Variants in CASQ2 observed in about 807,000 individuals in gnomAD.
CASQ2 encodes the protein calsequestrin 2, also known as calsequestrin-2.
Under a neutral mutation model 46.5 loss-of-function variants are expected in CASQ2, and 49 were observed. The ratio of observed to expected loss-of-function variants is 1.05; its 90% CI spans 0.84 to 1.34. The LOEUF (loss-of-function observed/expected upper bound fraction) is 1.34. Among genes scored for constraint, CASQ2 ranks in the 40% most tolerant of loss-of-function variants. The probability of loss-of-function intolerance (pLI) is 0.00; values close to 1 mark genes in which losing one functional copy is unlikely to be tolerated. For missense variants in CASQ2, 486 were observed against 481.3 expected (o/e 1.01, Z -0.09); for synonymous variants, 174 against 168.5 (o/e 1.03, Z -0.25).
chr1:115,760,003 T>C (rs1310488468), intron 1 of CASQ2, among the ~76,000 whole-genome samples: 1 of 152,188 alleles, frequency 6.6e-6, no homozygotes. Context: ...AAGTCCCAGA[T>C]CATTTCCTTC....
At chr1:115,766,020 A>C (rs1225350234) in intron 1 of CASQ2, among the ~76,000 whole-genome samples, 1 of 152,200 alleles carries the variant, frequency 6.6e-6, no homozygotes. Context: ...TGCGCCTGAC[A>C]AGTATCTCAA....
At chr1:115,736,378 TG>T (rs781603517) in intron 4 of CASQ2, among the ~76,000 whole-genome samples, 19 of 152,048 alleles carry the variant, frequency 1.2e-4, no homozygotes, top group Non-Finnish European at 2.2e-4. Flanking sequence ...GGCTCATGCC[TG>T]TAATCCAAGC....
At position 115,739,124 on chromosome 1, in the gene CASQ2, C is replaced by CTTTTTTTTTTTTTTTTTTTTTTTTTTTT. The variant is rs1299140156; in HGVS notation, c.421-790_421-789insAAAAAAAAAAAAAAAAAAAAAAAAAAAA. On this transcript the variant is annotated intron_variant, in intron 3 of 10. Coordinates refer to ENST00000261448, the MANE Select transcript of CASQ2 (RefSeq NM_001232.4). ...ATGTATAGCACATTTTCTTTTCTTT[C>CTTTTTTTTTTTTTTTTTTTTTTTTTTTT]TTTTTGAGATGGAGTCATGCTGTGT... Among the ~76,000 whole-genome samples the CTTTTTTTTTTTTTTTTTTTTTTTTTTTT allele has an allele frequency of 1.8e-3, 182 of 99,526 alleles. 16 individuals carry two copies. Among genetic ancestry groups the CTTTTTTTTTTTTTTTTTTTTTTTTTTTT allele is most frequent in the Non-Finnish European group, 2.7e-3 (122 of 45,184 alleles). 65.3% of individuals were successfully genotyped at this position (99,526 alleles called of 152,430 possible).
At chr1:115,714,099 G>T (rs1200819121) in intron 8 of CASQ2, among the ~76,000 whole-genome samples, 3 of 152,216 alleles carry the variant, frequency 2.0e-5, no homozygotes, top group Non-Finnish European at 4.4e-5. Flanking sequence ...TTGTGGTTAA[G>T]GGTGTGGGCT....
intron 1 of CASQ2, among the ~76,000 whole-genome samples, chr1:115,753,892 GA>G (rs563639480): frequency 2.5e-4 from 36 of 146,750 alleles, no homozygotes; most frequent in African/African-American, 4.7e-4. Flanking sequence ...CCAAGAATCT[GA>G]AAAAAAAAAA....
At chr1:115,703,134 A>G in intron 9 of CASQ2, 139 bp from the exon 10 acceptor site, 2 of 709,924 alleles carry the variant, frequency 2.8e-6, no homozygotes, top group Non-Finnish European at 5.1e-6. Context: ...AGCAAATTGA[A>G]GACTTGGCCC....
chr1:115,737,079 T>C (rs373871941), intron 4 of CASQ2, among the ~76,000 whole-genome samples: 4 of 152,024 alleles, frequency 2.6e-5, no homozygotes, highest in African/African-American at 7.3e-5. Context: ...TGGAAACAAA[T>C]TGAGACAGAC....
rs1288684281 is a variant in CASQ2 at position 115,703,027 on chromosome 1, A to C, written c.940-32T>G. ...CAACAAAAAAATAAGATTAGACAGC[A>C]GGCAGAGGGCATTCTCTGTTAAGGA... is the stretch of plus-strand genomic sequence containing the variant. On this transcript the variant is annotated intron_variant, in intron 9 of 10. Coordinates refer to ENST00000261448, the MANE Select transcript of CASQ2 (RefSeq NM_001232.4). 3.2e-6 allele frequency: 5 copies of C among 1,568,790 alleles called. No homozygotes were observed. In the South Asian group the frequency reaches 5.7e-5, roughly 18 times the overall value.
intron 7 of CASQ2, among the ~76,000 whole-genome samples, chr1:115,720,625 G>A (rs1557790553): frequency 6.6e-6 from 1 of 152,194 alleles, no homozygotes; most frequent in African/African-American, 2.4e-5. Context: ...AAAGAGACCT[G>A]TATATAAAGT....
intron 1 of CASQ2, among the ~76,000 whole-genome samples, chr1:115,766,813 T>C (rs1241351458): frequency 6.6e-6 from 1 of 152,052 alleles, no homozygotes; most frequent in Admixed American, 6.6e-5. Context: ...GAAGTTTCTG[T>C]TCATGATTTT....
At chr1:115,737,789 G>C (rs1290106289) in intron 4 of CASQ2, among the ~76,000 whole-genome samples, 1 of 152,164 alleles carries the variant, frequency 6.6e-6, no homozygotes, top group East Asian at 1.9e-4. Context: ...ACATTCTGTA[G>C]CCACTGCTAA....
At chr1:115,758,756 C>G (rs1648843922) in intron 1 of CASQ2, among the ~76,000 whole-genome samples, 1 of 152,202 alleles carries the variant, frequency 6.6e-6, no homozygotes, top group South Asian at 2.1e-4. Context: ...TGTGTGATCT[C>G]TGCACACATC....
At chr1:115,726,948 C>T in intron 6 of CASQ2, 44 bp downstream of exon 6, 3 of 641,660 alleles carry the variant, frequency 4.7e-6, no homozygotes, top group Non-Finnish European at 2.8e-6. Flanking sequence ...CCTCTCCATT[C>T]CCCAGACCCC....
intron 8 of CASQ2, among the ~76,000 whole-genome samples, chr1:115,711,125 G>C (rs1032218921): frequency 6.6e-6 from 1 of 152,194 alleles, no homozygotes; most frequent in Admixed American, 6.5e-5. Context: ...CCCACTCCTG[G>C]GGGAGCTGGC....
chr1:115,713,069 G>A (rs1040698223), intron 8 of CASQ2, among the ~76,000 whole-genome samples: 2 of 152,100 alleles, frequency 1.3e-5, no homozygotes, highest in African/African-American at 4.8e-5. Flanking sequence ...CACGTGTGCA[G>A]ACAGCAGCCT....
chr1:115,724,467 T>TCTAG (rs1647499993), intron 7 of CASQ2, among the ~76,000 whole-genome samples: 1 of 152,182 alleles, frequency 6.6e-6, no homozygotes. Context: ...TATGCCCGAC[T>TCTAG]AATTAATAAT....
chr1:115,700,669 C>T lies in CASQ2; in HGVS notation c.*572G>A, dbSNP rs536769594. The T allele has an allele frequency of 3.4e-5, 8 of 234,268 alleles. No individual in the cohort carries two copies. Among genetic ancestry groups the T allele is most frequent in the African/African-American group, 1.6e-4 (7 of 44,362 alleles). The allele number at this position is 234,268 out of a possible 1,614,324, so 14.5% of individuals were successfully genotyped here. A position where few individuals can be genotyped will look rare whatever the true frequency, so the allele number is the denominator to read the frequency against. ...AGTTCATAGTGATATGAATGACCAT[C>T]ACTTGAAATAAGTTTAACAAAGCCA... On this transcript the variant is annotated 3_prime_UTR_variant, in exon 11 of 11. Coordinates refer to ENST00000261448, the MANE Select transcript of CASQ2 (RefSeq NM_001232.4).
intron 6 of CASQ2, 30 bp downstream of exon 6, chr1:115,726,954 ACCCCAGGC>A: frequency 9.0e-6 from 10 of 1,107,978 alleles, no homozygotes; most frequent in Non-Finnish European, 1.1e-5. Flanking sequence ...CATTCCCCAG[ACCCCAGGC>A]CCCCAGCCCC....
At chr1:115,761,483 A>AGGG (rs1648951589) in intron 1 of CASQ2, among the ~76,000 whole-genome samples, 4 of 22,106 alleles carry the variant, frequency 1.8e-4, no homozygotes, top group Admixed American at 4.4e-4. Context: ...AAGAAGAAGA[A>AGGG]GAAGGAGAAG....
Sources: allele counts gnomAD v4.1 joint callset (sites outside exome capture counted in the v4.1 genomes callset), GRCh38; gene constraint gnomAD v4.1.1; transcripts MANE v1.5; gene names NCBI Gene and HGNC (gene_info 2026-07-23, HGNC 2026-07-21).